The following GFOD1 variants were observed in gnomAD, a reference collection of about 807,000 sequenced individuals.
GFOD1 encodes glucose-fructose oxidoreductase domain-containing protein 1.
Under a neutral mutation model 25.4 loss-of-function variants are expected in GFOD1, and 9 were observed. That is an observed-to-expected ratio of 0.35 (90% CI 0.21 to 0.62). The LOEUF is 0.62. Ranked by LOEUF, GFOD1 falls within the 20% of genes least tolerant of loss-of-function variation. The probability of loss-of-function intolerance (pLI) is 0.72; values close to 1 mark genes in which losing one functional copy is unlikely to be tolerated. For synonymous variants in GFOD1, 253 were observed against 245.6 expected (o/e 1.03, Z -0.28); for missense variants, 403 against 556.9 (o/e 0.72, Z 2.78).
At chr6:13,437,896 T>C (rs1050988189) in intron 1 of GFOD1, among the ~76,000 whole-genome samples, 5 of 152,022 alleles carry the variant, frequency 3.3e-5, no homozygotes, top group Non-Finnish European at 7.4e-5. Flanking sequence ...TGCTGGGCCC[T>C]GGGGTTACAG....
At position 13,486,668 on chromosome 6, in the gene GFOD1, G is replaced by A. The variant is rs753479371; in HGVS notation, c.223C>T (p.Leu75Phe). ...GTTTTGACAGCGATCTGTCTGGTGA[G>A]GGGCGGCGGCAGGTTAATGCACACC... ...DLVCINLPPP[L>F]TRQIAVKTLG... Residue 75 changes from leucine (L) to phenylalanine (F), a missense_variant, in exon 1 of 2, where the codon CTC becomes TTC. Leu to Phe is a conservative substitution (Grantham distance 22). Coordinates refer to ENST00000379287, the MANE Select transcript of GFOD1 (RefSeq NM_018988.4). 3 of 1,614,124 alleles carry A rather than the reference G, an allele frequency of 1.9e-6. No homozygotes were observed. The highest frequency in any genetic ancestry group is 1.7e-5 in the Admixed American group (1 of 60,022).
At chr6:13,392,690 G>T (rs1246318079) in intron 1 of GFOD1, among the ~76,000 whole-genome samples, 1 of 152,098 alleles carries the variant, frequency 6.6e-6, no homozygotes, top group Non-Finnish European at 1.5e-5. Context: ...ATTTCATATT[G>T]TGAGAGAGGG....
chr6:13,465,197 C>T (rs2434393), intron 1 of GFOD1, among the ~76,000 whole-genome samples: 139,518 of 151,890 alleles, frequency 0.92, 65,211 homozygotes, highest in East Asian at 1. Context: ...GGGCCACATA[C>T]AAAATACAAC....
rs1049794740 is a variant in GFOD1 at position 13,470,641 on chromosome 6, G to A, written c.253+15997C>T. The A allele has an allele frequency of 2.7e-6, 4 of 1,455,692 alleles. No individual in the cohort carries two copies. In the African/African-American group the frequency reaches 5.7e-5, roughly 21 times the overall value. 90.2% of individuals were successfully genotyped at this position (1,455,692 alleles called of 1,614,324 possible). On this transcript the variant is annotated intron_variant, in intron 1 of 1. Coordinates refer to ENST00000379287, the MANE Select transcript of GFOD1 (RefSeq NM_018988.4). ...TCTGATGTCCTGGTTCTGTTGGAAA[G>A]GGAGAAGAGACAGAGAAGAGGAACA...
chr6:13,486,062 G>T, intron 1 of GFOD1: 1 of 979,660 alleles, frequency 1.0e-6, no homozygotes, highest in Non-Finnish European at 1.2e-6. Flanking sequence ...GCAATCTCAC[G>T]CTAAACTAAC....
At chr6:13,475,553 C>T (rs1029280176) in intron 1 of GFOD1, among the ~76,000 whole-genome samples, 2 of 124,766 alleles carry the variant, frequency 1.6e-5, no homozygotes, top group African/African-American at 5.8e-5. Flanking sequence ...ACTAAAAATA[C>T]AAAAAAAAAA....
At chr6:13,443,783 T>G (rs1443652099) in intron 1 of GFOD1, among the ~76,000 whole-genome samples, 1 of 135,024 alleles carries the variant, frequency 7.4e-6, no homozygotes, top group African/African-American at 2.9e-5. Flanking sequence ...ACCATTGCAC[T>G]CCAGCCTGGG....
chr6:13,421,503 G>A (rs1201695329), intron 1 of GFOD1, among the ~76,000 whole-genome samples: 2 of 151,840 alleles, frequency 1.3e-5, no homozygotes, highest in African/African-American at 2.4e-5. Context: ...CAAAAAAAAA[G>A]TAAGAAAAGC....
intron 1 of GFOD1, chr6:13,469,669 A>G (rs754503537): frequency 5.2e-5 from 61 of 1,173,144 alleles, no homozygotes; most frequent in Non-Finnish European, 6.1e-5. Flanking sequence ...AAAGACCTAC[A>G]GTTATCTTAC....
intron 1 of GFOD1, among the ~76,000 whole-genome samples, chr6:13,386,927 GA>G (rs1357998323): frequency 6.6e-6 from 1 of 152,152 alleles, no homozygotes; most frequent in Non-Finnish European, 1.5e-5. Context: ...AAATGCTGGT[GA>G]AAAATGTTAA....
At chr6:13,483,853 C>T (rs1758809157) in intron 1 of GFOD1, among the ~76,000 whole-genome samples, 2 of 152,172 alleles carry the variant, frequency 1.3e-5, no homozygotes, top group African/African-American at 4.8e-5. Flanking sequence ...CTCTGAATCT[C>T]AGTTGCTTCA....
chr6:13,447,268 G>A (rs1317252486), intron 1 of GFOD1, among the ~76,000 whole-genome samples: 1 of 152,164 alleles, frequency 6.6e-6, no homozygotes, highest in East Asian at 1.9e-4. Context: ...GTAGTTTGCT[G>A]GCAATCGTTG....
At chr6:13,453,504 G>A (rs1391850323) in intron 1 of GFOD1, among the ~76,000 whole-genome samples, 1 of 152,182 alleles carries the variant, frequency 6.6e-6, no homozygotes, top group African/African-American at 2.4e-5. Context: ...AGCAATTATT[G>A]AGTCATTTGA....
chr6:13,398,609 G>T (rs972349819), intron 1 of GFOD1, among the ~76,000 whole-genome samples: 3 of 152,164 alleles, frequency 2.0e-5, no homozygotes, highest in African/African-American at 7.2e-5. Flanking sequence ...GCTCACATCG[G>T]GTGTTTAGTT....
intron 1 of GFOD1, among the ~76,000 whole-genome samples, chr6:13,383,069 C>T (rs1239775456): frequency 1.3e-5 from 2 of 152,204 alleles, no homozygotes; most frequent in Non-Finnish European, 2.9e-5. Context: ...TAGTTTATCA[C>T]TGATGGGTAT....
chr6:13,477,984 A>G (rs1337618913), intron 1 of GFOD1, among the ~76,000 whole-genome samples: 2 of 151,978 alleles, frequency 1.3e-5, no homozygotes, highest in African/African-American at 4.8e-5. Context: ...CAATTGCTGG[A>G]ACCTGGGAGG....
chr6:13,406,933 C>A (rs1362882827), intron 1 of GFOD1, among the ~76,000 whole-genome samples: 1 of 152,218 alleles, frequency 6.6e-6, no homozygotes, highest in Non-Finnish European at 1.5e-5. Context: ...CTCATTTCAG[C>A]TGGACCCATG....
intron 1 of GFOD1, among the ~76,000 whole-genome samples, chr6:13,398,422 G>T (rs1271778737): frequency 6.6e-6 from 1 of 152,166 alleles, no homozygotes; most frequent in Non-Finnish European, 1.5e-5. Context: ...TGATTTGAGT[G>T]TACGCATTTA....
intron 1 of GFOD1, among the ~76,000 whole-genome samples, chr6:13,377,680 G>C (rs926177332): frequency 1.3e-5 from 2 of 152,272 alleles, no homozygotes; most frequent in Admixed American, 1.3e-4. Flanking sequence ...AATCACAGAA[G>C]TAACACCAAG....
Sources: allele counts gnomAD v4.1 joint callset (sites outside exome capture counted in the v4.1 genomes callset), GRCh38; gene constraint gnomAD v4.1.1; transcripts MANE v1.5; gene names NCBI Gene and HGNC (gene_info 2026-07-23, HGNC 2026-07-21).